The following NUP85 variants were observed in gnomAD, a reference collection of about 807,000 sequenced individuals.
The protein encoded by NUP85 is nucleoporin 85, also known as nuclear pore complex protein Nup85.
Under a neutral mutation model 92.8 loss-of-function variants are expected in NUP85, and 23 were observed. That is an observed-to-expected ratio of 0.25 (90% CI 0.18 to 0.35). The LOEUF (loss-of-function observed/expected upper bound fraction) is 0.35. Among genes scored for constraint, NUP85 ranks in the 10% least tolerant of loss-of-function variants. The pLI is 1.00. For synonymous variants in NUP85, 314 were observed against 306.9 expected, an observed-to-expected ratio of 1.02 and a Z score of -0.24; for missense variants, 759 against 822.8, an observed-to-expected ratio of 0.92 and a Z score of 0.95.
intron 7 of NUP85, among the ~76,000 whole-genome samples, chr17:75,220,879 T>A (rs1165572644): frequency 5.3e-4 from 17 of 31,902 alleles, no homozygotes; most frequent in African/African-American, 7.1e-4. Context: ...ACCATCCCAA[T>A]TTTTTTTTTT....
At position 75,228,774 on chromosome 17, in the gene NUP85, G is replaced by A. The variant is rs544701190; in HGVS notation, c.1095-2566G>A. On this transcript the variant is annotated intron_variant, in intron 11 of 18. Transcript: ENST00000245544. ...GAACATGGAGAAGGGAGGTTTCTAAGTGGGCCCCTGATTTACTCCTATGTC... is the reference window on the plus strand; with the variant it reads ...GAACATGGAGAAGGGAGGTTTCTAAATGGGCCCCTGATTTACTCCTATGTC... The A allele has an allele frequency of 1.3e-5, 13 of 985,326 alleles. 1 individual carries two copies. In the South Asian group the frequency reaches 5.6e-4, roughly 43 times the overall value. 61.0% of individuals were successfully genotyped at this position (985,326 alleles called of 1,614,324 possible).
At chr17:75,214,856 CAAAA>C (rs34942784) in intron 5 of NUP85, among the ~76,000 whole-genome samples, 117,297 of 148,198 alleles carry the variant, frequency 0.79, 46,375 homozygotes, top group East Asian at 0.87. Flanking sequence ...GACTCTGTCT[CAAAA>C]AAAAAAACAA....
In NUP85 at chr17:75,231,730, T is replaced by C. The variant is rs2145411355; in HGVS notation, c.1244+92T>C. On this transcript the variant is annotated intron_variant, in intron 13 of 18. Transcript: ENST00000245544. The surrounding 1 kb of genome is among the most constrained non-coding windows in gnomAD (Gnocchi z 4.6). ...GGACTGTTCTCTCCCAGTTGGCTCC[T>C]TGAAGGCTTCGGAAGGGTCAGTGAA... The C allele has an allele frequency of 2.5e-6, 4 of 1,605,196 alleles. No homozygotes were observed. The highest frequency in any genetic ancestry group is 3.4e-6 in the Non-Finnish European group (4 of 1,172,994).
intron 4 of NUP85, 134 bp downstream of exon 4, chr17:75,212,196 C>T: frequency 3.4e-6 from 1 of 297,154 alleles, no homozygotes; most frequent in South Asian, 5.0e-5. Context: ...TTCCATCTTT[C>T]ATAATCCTTA....
Position 75,233,068 on chromosome 17 carries a change from G to T in NUP85, c.1525G>T (p.Asp509Tyr). ...GGCCGGGCCCTGCAGGTTCCTCAGGGATTACTGTGAGCGAGGCTGCTTTTC... is the reference window on the plus strand; with the variant it reads ...GGCCGGGCCCTGCAGGTTCCTCAGGTATTACTGTGAGCGAGGCTGCTTTTC... ...ATLVSDRFLR[D>Y]YCERGCFSDL... The change falls in exon 16 of 19, where the codon GAT (aspartate) becomes TAT (tyrosine). Residue 509 changes from aspartate to tyrosine, a missense_variant. Transcript: ENST00000245544. 1 of 1,614,184 alleles carries T rather than the reference G, an allele frequency of 6.2e-7. No homozygotes were observed. The highest frequency in any genetic ancestry group is 8.5e-7 in the Non-Finnish European group (1 of 1,180,040).
chr17:75,207,541 G>T (rs2075123232), intron 1 of NUP85, among the ~76,000 whole-genome samples: 1 of 151,584 alleles, frequency 6.6e-6, no homozygotes, highest in African/African-American at 2.4e-5. Context: ...GTGCAGTGGC[G>T]TGATCTCAGC....
At chr17:75,206,490 A>T (rs2075084695) in intron 1 of NUP85, among the ~76,000 whole-genome samples, 1 of 152,038 alleles carries the variant, frequency 6.6e-6, no homozygotes, top group African/African-American at 2.4e-5. Flanking sequence ...GCTTTTTCCA[A>T]AGATGGTTTT....
At position 75,215,780 on chromosome 17, in the gene NUP85, C is replaced by T. The variant is rs528690026; in HGVS notation, c.432C>T (p.Leu144=). 6.2e-6 allele frequency: 10 copies of T among 1,614,066 alleles called. No individual in the cohort carries two copies. In the African/African-American group the frequency reaches 1.1e-4, roughly 17 times the overall value. ...TCTCCATTTTGTCAGCAATGGAGCT[C>T]ATCTGGAACCTGTGTGAGATTCTTT... The part of the protein sequence containing the change: ...SQVSILSAME[L]IWNLCEILFI... The change falls in exon 6 of 19, where the codon CTC becomes CTT. Residue 144 remains leucine (L), a synonymous_variant. Coordinates refer to ENST00000245544, the MANE Select transcript of NUP85 (RefSeq NM_024844.5).
chr17:75,213,168 T>G, intron 5 of NUP85, 49 bp downstream of exon 5: 1 of 1,583,414 alleles, frequency 6.3e-7, no homozygotes. Flanking sequence ...TCCTGTGTCC[T>G]GGGCACCCAC....
chr17:75,226,694 G>T (rs1257813775), intron 11 of NUP85: 2 of 425,338 alleles, frequency 4.7e-6, no homozygotes, highest in African/African-American at 4.0e-5. Context: ...TGAGCTTAGG[G>T]ACTTCCTGGA....
chr17:75,235,100 G>A lies in NUP85; in HGVS notation c.1768G>A (p.Val590Met). 1 of 1,613,214 alleles carries A rather than the reference G, an allele frequency of 6.2e-7. No homozygotes were observed. The highest frequency in any genetic ancestry group is 8.5e-7 in the Non-Finnish European group (1 of 1,179,294). The change falls in exon 18 of 19, where the codon GTG (valine) becomes ATG (methionine). Residue 590 changes from valine to methionine, a missense_variant and splice_region_variant. Val to Met is a conservative substitution (Grantham distance 21, BLOSUM62 1). Coordinates refer to ENST00000245544, the MANE Select transcript of NUP85 (RefSeq NM_024844.5). Reference protein sequence around the residue: ...DALPLLEQKQVIFSAEQTYEL... With the variant: ...DALPLLEQKQMIFSAEQTYEL... ...AAGCAAGGCAGGCTCTCTTCCCTAG[G>A]TGATTTTCTCAGCAGAACAGACTTA...
Position 75,235,159 on chromosome 17 carries a change from A to ATGTGC in NUP85, c.1827_1828insTGTGC (p.Arg610CysfsTer20). 1 of 1,614,152 alleles carries ATGTGC rather than the reference A, an allele frequency of 6.2e-7. No homozygotes were observed. The highest frequency in any genetic ancestry group is 8.5e-7 in the Non-Finnish European group (1 of 1,180,012). On this transcript the variant is annotated frameshift_variant, in exon 18 of 19. Transcript: ENST00000245544. LOFTEE classifies it high-confidence loss of function. ...TGCGGTGTCTGGAGGACTTGACGTC[A>ATGTGC]AGAAGACCTGTGCATGGAGAATCTG...
chr17:75,212,090 G>GCA (rs773174975), intron 4 of NUP85, 28 bp downstream of exon 4: 2 of 1,287,726 alleles, frequency 1.6e-6, no homozygotes, highest in Admixed American at 2.3e-5. Context: ...GTGCGCGCGT[G>GCA]TGTGTGTGTG....
chr17:75,209,896 C>G lies in NUP85; in HGVS notation c.201C>G (p.Ile67Met). The change falls in exon 3 of 19, where the codon ATC becomes ATG. Residue 67 changes from isoleucine to methionine, a missense_variant. Coordinates refer to ENST00000245544, the MANE Select transcript of NUP85 (RefSeq NM_024844.5). ...AGGATGTAGATGTTTACTCTCAAAT[C>G]TTGAGAAAACTCTTCAATGAATCCC... The part of the protein sequence containing the change: ...IRKDVDVYSQ[I>M]LRKLFNESHG... 1.9e-6 allele frequency: 3 copies of G among 1,585,390 alleles called. No individual in the cohort carries two copies. The highest frequency in any genetic ancestry group is 1.7e-6 in the Non-Finnish European group (2 of 1,172,184).
In NUP85 at chr17:75,205,688, C is replaced by A; in HGVS notation, c.-74C>A. The stretch of plus-strand genomic sequence containing the variant: ...GCCCAGGCGGAGTCTTGTCTCGCAG[C>A]CAGCTCTGAGCGGGAGGCCTGAGCG... On this transcript the variant is annotated 5_prime_UTR_variant, in exon 1 of 19. Transcript: ENST00000245544. 1 of 1,583,356 alleles carries A rather than the reference C, an allele frequency of 6.3e-7. No individual in the cohort carries two copies. The highest frequency in any genetic ancestry group is 1.7e-5 in the Admixed American group (1 of 59,808).
chr17:75,223,655 T>C (rs1015179480), intron 7 of NUP85, among the ~76,000 whole-genome samples: 10 of 152,192 alleles, frequency 6.6e-5, no homozygotes, highest in Non-Finnish European at 1.2e-4. Context: ...CCCAAAGTGC[T>C]GGAATTACAG....
rs757232047 is a variant in NUP85, at chr17:75,234,733, G to A, written c.1712G>A (p.Arg571Gln). The A allele has an allele frequency of 5.0e-6, 8 of 1,614,042 alleles. No individual in the cohort carries two copies. Among genetic ancestry groups the A allele is most frequent in the African/African-American group, 2.7e-5 (2 of 74,912 alleles). ...LSLMTSRIAP[R>Q]SFWMTLLTDA... is the part of the protein sequence containing the mutation. ...TTGATGACGTCTCGGATTGCCCCTC[G>A]GTCTTTCTGGATGACTCTGCTGACA... Residue 571 changes from arginine (R) to glutamine (Q), a missense_variant, in exon 17 of 19, where the codon CGG (arginine) becomes CAG (glutamine). Arg to Gln is a conservative substitution (Grantham distance 43, BLOSUM62 1). Coordinates refer to ENST00000245544, the MANE Select transcript of NUP85 (RefSeq NM_024844.5).
intron 7 of NUP85, 133 bp from the exon 8 acceptor site, chr17:75,224,970 A>G: frequency 1.2e-6 from 1 of 804,800 alleles, no homozygotes; most frequent in Non-Finnish European, 1.9e-6. Flanking sequence ...TTCCCAGGGC[A>G]GACTCAGGTG....
At chr17:75,206,061 A>C (rs2075069670) in intron 1 of NUP85, among the ~76,000 whole-genome samples, 1 of 151,016 alleles carries the variant, frequency 6.6e-6, no homozygotes, top group Non-Finnish European at 1.5e-5. Flanking sequence ...TGGCCTTTTT[A>C]CTTCCCTTGC....
Sources: gnomAD v4.1 joint callset for allele counts (sites outside exome capture counted in the v4.1 genomes callset) on GRCh38, gnomAD v4.1.1 for gene constraint, Gnocchi (gnomAD v3.1) non-coding constraint, MANE v1.5 for transcripts, NCBI Gene and HGNC (gene_info 2026-07-23, HGNC 2026-07-21) for gene names.